The following ARHGAP44 variants were observed in gnomAD, a reference collection of about 807,000 sequenced individuals.
ARHGAP44 encodes rho GTPase-activating protein 44.
In ARHGAP44, 43 loss-of-function variants were observed where a neutral mutation model predicts 106.8. The observed-to-expected ratio is 0.40, with a 90% CI of 0.32 to 0.52. ARHGAP44 has a LOEUF of 0.52. ARHGAP44 is among the 20% of genes least tolerant of loss of function. The pLI is 0.48. For synonymous variants in ARHGAP44, 439 were observed against 410.3 expected (o/e 1.07, Z -0.85); for missense variants, 866 against 1,050.5 (o/e 0.82, Z 2.43).
intron 16 of ARHGAP44, 99 bp from the exon 17 acceptor site, chr17:12,973,203 G>A: frequency 1.6e-6 from 2 of 1,264,948 alleles, no homozygotes; most frequent in South Asian, 2.6e-5. Context: ...CCAAGACCCT[G>A]GACCATGGAG....
rs577693080 is a variant in ARHGAP44 at position 12,926,232 on chromosome 17, G to T, written c.465-2697G>T. 7.0e-4 allele frequency among the ~76,000 whole-genome samples: 106 copies of T among 151,852 alleles called. 1 individual carries two copies. In the South Asian group the frequency reaches 0.02, roughly 28 times the overall value. On this transcript the variant is annotated intron_variant, in intron 6 of 20. Coordinates refer to ENST00000379672, the MANE Select transcript of ARHGAP44 (RefSeq NM_014859.6). ...ATACAAAAATTAGCTGGGCATGGTG[G>T]CATGTGCCTGTAATCCCAGCTACTC...
At chr17:12,950,969 CA>C (rs2038979064) in intron 12 of ARHGAP44, among the ~76,000 whole-genome samples, 1 of 152,124 alleles carries the variant, frequency 6.6e-6, no homozygotes, top group Admixed American at 6.5e-5. Context: ...GAAAGAGACC[CA>C]CCTGACCTGG....
At chr17:12,892,016 C>CT (rs373171821) in intron 1 of ARHGAP44, among the ~76,000 whole-genome samples, 3 of 152,320 alleles carry the variant, frequency 2.0e-5, no homozygotes, top group African/African-American at 7.2e-5. Flanking sequence ...TCTCGAACTT[C>CT]TGACTGCAGG....
At chr17:12,849,214 C>CGTGTGTGTGTGTGTGT in intron 1 of ARHGAP44, among the ~76,000 whole-genome samples, 1 of 149,280 alleles carries the variant, frequency 6.7e-6, no homozygotes, top group East Asian at 2.0e-4. Flanking sequence ...CTGAGGTGGG[C>CGTGTGTGTGTGTGTGT]GTGTGTGTGT....
intron 3 of ARHGAP44, 51 bp from the exon 4 acceptor site, chr17:12,908,846 A>G: frequency 2.7e-6 from 4 of 1,470,958 alleles, no homozygotes; most frequent in Non-Finnish European, 3.8e-6. Context: ...TTTAGATTCA[A>G]CAGATGAATA....
chr17:12,808,432 A>G (rs1233998071), intron 1 of ARHGAP44, among the ~76,000 whole-genome samples: 3 of 152,340 alleles, frequency 2.0e-5, no homozygotes, highest in South Asian at 2.1e-4. Flanking sequence ...AAGCATTTCC[A>G]TACATCCTCT....
At chr17:12,967,028 T>C (rs548765041) in intron 16 of ARHGAP44, among the ~76,000 whole-genome samples, 5 of 152,016 alleles carry the variant, frequency 3.3e-5, no homozygotes, top group African/African-American at 9.6e-5. Flanking sequence ...GGCTTTTTTT[T>C]CTCCTTTTTT....
Position 12,958,923 on chromosome 17 carries a change from C to A in ARHGAP44, c.1523+26C>A, listed in dbSNP as rs1237629919. Reference sequence around the variant, plus strand: ...GTATGAACTGGTGTCTCTTTCTCAGCACTGGGGATTAGGGGAGGTGGTGGG... The same window carrying A: ...GTATGAACTGGTGTCTCTTTCTCAGAACTGGGGATTAGGGGAGGTGGTGGG... On this transcript the variant is annotated intron_variant, in intron 16 of 20. Coordinates refer to ENST00000379672, the MANE Select transcript of ARHGAP44 (RefSeq NM_014859.6). This position sits in a 1 kb window ranked among gnomAD's most constrained non-coding sequence, Gnocchi z 4.1. 2 of 1,589,450 alleles carry A rather than the reference C, an allele frequency of 1.3e-6. No homozygotes were observed. Among genetic ancestry groups the A allele is most frequent in the African/African-American group, 2.7e-5 (2 of 74,700 alleles).
rs2035628441 is a variant in ARHGAP44, at chr17:12,848,259, A to G, written c.54-46681A>G. 3.3e-5 allele frequency among the ~76,000 whole-genome samples: 5 copies of G among 152,184 alleles called. No individual in the cohort carries two copies. In the South Asian group the frequency reaches 1.0e-3, roughly 31 times the overall value. On this transcript the variant is annotated intron_variant, in intron 1 of 20. Coordinates refer to ENST00000379672, the MANE Select transcript of ARHGAP44 (RefSeq NM_014859.6). The stretch of plus-strand genomic sequence containing the variant: ...AGAATCTTTGTCTTAAATATTAATA[A>G]TATCTTTGACTCAAAGGGTAGAAGT...
At chr17:12,796,450 CACAT>C (rs1214904044) in intron 1 of ARHGAP44, among the ~76,000 whole-genome samples, 1 of 152,182 alleles carries the variant, frequency 6.6e-6, no homozygotes, top group Non-Finnish European at 1.5e-5. Context: ...ATATTATACA[CACAT>C]ACATACACAC....
intron 16 of ARHGAP44, among the ~76,000 whole-genome samples, chr17:12,966,208 A>T (rs1380044091): frequency 6.6e-6 from 1 of 152,048 alleles, no homozygotes; most frequent in Non-Finnish European, 1.5e-5. Context: ...TAAGTGATGC[A>T]GTAATTTTAC....
At chr17:12,871,711 A>G (rs2036412389) in intron 1 of ARHGAP44, among the ~76,000 whole-genome samples, 1 of 152,070 alleles carries the variant, frequency 6.6e-6, no homozygotes, top group African/African-American at 2.4e-5. Flanking sequence ...TCCAAACCAT[A>G]CCAGTACTGT....
At chr17:12,973,539 G>T in intron 17 of ARHGAP44, 1 of 584,738 alleles carries the variant, frequency 1.7e-6, no homozygotes, top group South Asian at 2.2e-5. Context: ...GGAGTGGCCT[G>T]CAGAGGTGTG....
At chr17:12,940,270 G>A (rs2038671039) in intron 7 of ARHGAP44, among the ~76,000 whole-genome samples, 1 of 152,188 alleles carries the variant, frequency 6.6e-6, no homozygotes, top group South Asian at 2.1e-4. Flanking sequence ...ACTTGAGCAA[G>A]CAAGTTCGGA....
intron 1 of ARHGAP44, among the ~76,000 whole-genome samples, chr17:12,821,491 T>A (rs1431296474): frequency 6.6e-6 from 1 of 152,198 alleles, no homozygotes; most frequent in Admixed American, 6.5e-5. Flanking sequence ...CATTTTATTA[T>A]ACATTGCACA....
At chr17:12,895,058 G>A (rs1313502944) in intron 2 of ARHGAP44, 79 bp downstream of exon 2, 2 of 1,392,506 alleles carry the variant, frequency 1.4e-6, no homozygotes, top group Non-Finnish European at 2.0e-6. Flanking sequence ...TTGAACCCAG[G>A]AGGTGGAGGT....
Position 12,870,968 on chromosome 17 carries a change from C to T in ARHGAP44, c.54-23972C>T, listed in dbSNP as rs191051422. Among the ~76,000 whole-genome samples the T allele has an allele frequency of 6.8e-3, 1,040 of 152,072 alleles. 5 individuals are homozygous for T. The highest frequency in any genetic ancestry group is 0.011 in the Non-Finnish European group (724 of 67,978). On this transcript the variant is annotated intron_variant, in intron 1 of 20. Transcript: ENST00000379672. ...CTTTGGTCAATTTTTTTCTTTTTCT[C>T]TCTCTTCTTTTACTTTCTTTCCCGC...
At chr17:12,924,425 G>A (rs931530457) in intron 6 of ARHGAP44, among the ~76,000 whole-genome samples, 2 of 152,170 alleles carry the variant, frequency 1.3e-5, no homozygotes, top group African/African-American at 4.8e-5. Flanking sequence ...GTTTAGCAGT[G>A]CTTAAAGAAG....
intron 20 of ARHGAP44, chr17:12,987,035 T>G (rs2039977364): frequency 1.5e-6 from 2 of 1,349,432 alleles, no homozygotes. Context: ...TTTTTTTTTT[T>G]TTTGTGACGT....
Sources: allele counts gnomAD v4.1 joint callset (sites outside exome capture counted in the v4.1 genomes callset), GRCh38; gene constraint gnomAD v4.1.1; non-coding constraint Gnocchi (gnomAD v3.1); transcripts MANE v1.5; gene names NCBI Gene and HGNC (gene_info 2026-07-23, HGNC 2026-07-21).